The following CPLANE1 variants were observed in gnomAD, a reference collection of about 807,000 sequenced individuals.
CPLANE1 encodes the protein ciliogenesis and planar polarity effector complex subunit 1, also known as ciliogenesis and planar polarity effector 1.
In CPLANE1, 263 loss-of-function variants were observed where a neutral mutation model predicts 362.5. That is an observed-to-expected ratio of 0.73 (90% CI 0.66 to 0.80). The LOEUF (loss-of-function observed/expected upper bound fraction) is 0.80. CPLANE1 is among the 30% of genes least tolerant of loss of function. The probability of loss-of-function intolerance (pLI) is 0.00; values close to 1 mark genes in which losing one functional copy is unlikely to be tolerated. For synonymous variants in CPLANE1, 1,212 were observed against 1,302.6 expected (o/e 0.93, Z 1.50); for missense variants, 3,461 against 3,793.4 (o/e 0.91, Z 2.30).
chr5:37,202,181 G>A (rs1361036086), intron 18 of CPLANE1, among the ~76,000 whole-genome samples: 1 of 149,468 alleles, frequency 6.7e-6, no homozygotes, highest in African/African-American at 2.5e-5. Context: ...TTGAGATGGA[G>A]TCTCACTCTG....
chr5:37,202,970 A>T (rs894192780), intron 18 of CPLANE1, among the ~76,000 whole-genome samples: 2 of 151,180 alleles, frequency 1.3e-5, no homozygotes, highest in Non-Finnish European at 2.9e-5. Context: ...GATAGCTCAG[A>T]TGAATAGCTC....
the CPLANE1 span, chr5:37,085,262 T>C: frequency 1.1e-6 from 1 of 875,080 alleles, no homozygotes; most frequent in Non-Finnish European, 2.0e-6. Flanking sequence ...AGGGGTTCAT[T>C]AAGGTTGATG....
intron 34 of CPLANE1, among the ~76,000 whole-genome samples, chr5:37,167,504 T>A (rs1778588364): frequency 6.6e-6 from 1 of 152,200 alleles, no homozygotes; most frequent in African/African-American, 2.4e-5. Flanking sequence ...TCTGGCCAAG[T>A]GCAGTGGCTC....
At chr5:37,076,652 CTCT>C in the CPLANE1 span, among the ~76,000 whole-genome samples, 2 of 151,986 alleles carry the variant, frequency 1.3e-5, no homozygotes, top group Non-Finnish European at 1.5e-5. Context: ...AACATAAATT[CTCT>C]TTTTTCCAAA....
chr5:37,160,227 T>C (rs1162421605), intron 38 of CPLANE1, among the ~76,000 whole-genome samples: 1 of 152,176 alleles, frequency 6.6e-6, no homozygotes, highest in Non-Finnish European at 1.5e-5. Flanking sequence ...CTCCAAGGCT[T>C]TCTCAAAGAC....
At chr5:37,213,529 A>C in intron 16 of CPLANE1, 30 bp downstream of exon 16, 1 of 1,463,712 alleles carries the variant, frequency 6.8e-7, no homozygotes, top group Non-Finnish European at 9.1e-7. Flanking sequence ...ATGCAAAAAA[A>C]GTTTAAAAAG....
chr5:37,203,153 A>C (rs1186750265), intron 18 of CPLANE1, among the ~76,000 whole-genome samples: 1 of 152,208 alleles, frequency 6.6e-6, no homozygotes. Flanking sequence ...GCTTGTAATA[A>C]CATTTCCATC....
chr5:37,159,765 T>C lies in CPLANE1; in HGVS notation c.7691-1420A>G, dbSNP rs542132459. Among the ~76,000 whole-genome samples, 6 of 152,344 alleles carry C rather than the reference T, an allele frequency of 3.9e-5. No homozygotes were observed. The South Asian group carries it at 1.0e-3, about 26-fold the overall frequency. On this transcript the variant is annotated intron_variant, in intron 38 of 52. Transcript: ENST00000651892. Reference sequence around the variant, plus strand: ...AAATCATTCCCTCTCTCTTAATTGATTGGTTTAACCGCTTTTTTAAGGGGG... The same window carrying C: ...AAATCATTCCCTCTCTCTTAATTGACTGGTTTAACCGCTTTTTTAAGGGGG...
intron 42 of CPLANE1, among the ~76,000 whole-genome samples, chr5:37,152,056 T>C (rs1218513410): frequency 6.6e-6 from 1 of 152,218 alleles, no homozygotes; most frequent in African/African-American, 2.4e-5. Flanking sequence ...ATAAACCTAA[T>C]AAATACATTT....
At position 37,201,651 on chromosome 5, in the gene CPLANE1, T is replaced by C. The variant is rs141425550; in HGVS notation, c.3447A>G (p.Pro1149=). 308 of 1,614,200 alleles carry C rather than the reference T, an allele frequency of 1.9e-4. No individual in the cohort carries two copies. Among genetic ancestry groups the C allele is most frequent in the Middle Eastern group, 1.5e-3 (9 of 6,062 alleles). Residue 1149 remains proline (P), a synonymous_variant, in exon 19 of 53, where the codon CCA becomes CCG. Transcript: ENST00000651892. The stretch of plus-strand genomic sequence containing the variant: ...GAGGAGCTGGAAGATACAAGCCGAA[T>C]GGCACTAAGCCCCACAGTCTTTTAC... ...DFSKRLWGLV[P]FGLYLPAPPL...
At chr5:37,187,060 CAAAAAAAAAAAAAA>C (rs61112118) in intron 23 of CPLANE1, among the ~76,000 whole-genome samples, 1 of 50,396 alleles carries the variant, frequency 2.0e-5, no homozygotes, top group Non-Finnish European at 3.5e-5. Context: ...GACTCCGTCT[CAAAAAAAAAAAAAA>C]AAAAAAAAAA....
At chr5:37,105,240 C>T (rs1271462421), downstream of CPLANE1, among the ~76,000 whole-genome samples, 1 of 152,058 alleles carries the variant, frequency 6.6e-6, no homozygotes, top group African/African-American at 2.4e-5. Flanking sequence ...GTCAAGGCTG[C>T]AGTGAGCCAA....
At chr5:37,087,183 G>T in the CPLANE1 span, among the ~76,000 whole-genome samples, 6 of 152,162 alleles carry the variant, frequency 3.9e-5, no homozygotes, top group Non-Finnish European at 8.8e-5. Context: ...GATGTAGAAT[G>T]CTGGGAACAA....
chr5:37,228,471 AG>A (rs1277448362), intron 9 of CPLANE1, among the ~76,000 whole-genome samples: 1 of 152,218 alleles, frequency 6.6e-6, no homozygotes, highest in Non-Finnish European at 1.5e-5. Flanking sequence ...TGGCAACAAT[AG>A]AAAGTTGGTA....
At chr5:37,224,469 T>C in intron 13 of CPLANE1, 63 bp downstream of exon 13, 1 of 1,348,964 alleles carries the variant, frequency 7.4e-7, no homozygotes, top group South Asian at 1.3e-5. Context: ...CAATTAGAAA[T>C]TCAAAGTCTG....
Position 37,209,616 on chromosome 5 carries a change from T to C in CPLANE1, c.2921-3191A>G. The stretch of plus-strand genomic sequence containing the variant: ...TTTAGTGGCAGATCACTTACAAAGA[T>C]GTGGCTGTGAATATTCACTTTCTGT... On this transcript the variant is annotated intron_variant, in intron 16 of 52. Transcript: ENST00000651892. The surrounding 1 kb of genome is among the most constrained non-coding windows in gnomAD (Gnocchi z 4.6). The C allele has an allele frequency of 3.5e-6, 5 of 1,438,834 alleles. No homozygotes were observed. The highest frequency in any genetic ancestry group is 4.9e-6 in the Non-Finnish European group (5 of 1,021,786). 89.1% of individuals were successfully genotyped at this position (1,438,834 alleles called of 1,614,324 possible). A position where few individuals can be genotyped will look rare whatever the true frequency, so the allele number is the denominator to read the frequency against.
chr5:37,080,101 C>A, the CPLANE1 span, among the ~76,000 whole-genome samples: 1 of 152,180 alleles, frequency 6.6e-6, no homozygotes, highest in Non-Finnish European at 1.5e-5. Flanking sequence ...CAGCTTTCTG[C>A]TGATATAACA....
chr5:37,206,133 T>C (rs1790656816), intron 17 of CPLANE1, 64 bp downstream of exon 17: 5 of 1,053,974 alleles, frequency 4.7e-6, no homozygotes, highest in Non-Finnish European at 7.1e-6. Context: ...ATACCAGCAA[T>C]AAGAGAAATA....
chr5:37,195,886 CT>C lies in CPLANE1; in HGVS notation c.3782del (p.Lys1261SerfsTer10). 6.2e-7 allele frequency: 1 copy of C among 1,612,434 alleles called. No individual in the cohort carries two copies. The highest frequency in any genetic ancestry group is 1.7e-5 in the Admixed American group (1 of 59,772). ...FFRPGAAGDH[K>X]LDEVSIRAIG... ...TTGCTCTAATGGAAACTTCATCAAG[CT>C]TGTGGTCTCCAGCTGCTCCAGGTCT... is the stretch of plus-strand genomic sequence containing the variant. On this transcript the variant is annotated frameshift_variant, in exon 21 of 53. Coordinates refer to ENST00000651892, the MANE Select transcript of CPLANE1 (RefSeq NM_001384732.1).
Sources: allele counts gnomAD v4.1 joint callset (sites outside exome capture counted in the v4.1 genomes callset), GRCh38; gene constraint gnomAD v4.1.1; non-coding constraint Gnocchi (gnomAD v3.1); transcripts MANE v1.5; gene names NCBI Gene and HGNC (gene_info 2026-07-23, HGNC 2026-07-21).